AGFG2: variants seen among roughly 807,000 people sequenced by gnomAD.
AGFG2 encodes the protein ArfGAP with FG repeats 2, also known as arf-GAP domain and FG repeat-containing protein 2.
In AGFG2, 31 loss-of-function variants were observed where a neutral mutation model predicts 48.0. The ratio of observed to expected loss-of-function variants is 0.65; its 90% CI spans 0.49 to 0.87. The LOEUF (loss-of-function observed/expected upper bound fraction) is 0.87. Ranked by LOEUF, AGFG2 falls within the 40% of genes least tolerant of loss-of-function variation. The pLI, the probability that AGFG2 is intolerant of heterozygous loss-of-function variation, is 0.00. For missense variants in AGFG2, 599 were observed against 632.6 expected, an observed-to-expected ratio of 0.95 and a Z score of 0.57; for synonymous variants, 229 against 260.8, an observed-to-expected ratio of 0.88 and a Z score of 1.18.
At chr7:100,551,867 AAGAG>A (rs1215467681) in intron 3 of AGFG2, among the ~76,000 whole-genome samples, 1 of 143,988 alleles carries the variant, frequency 6.9e-6, no homozygotes, top group Non-Finnish European at 1.5e-5. Context: ...AGCCTGGGCA[AAGAG>A]AGAGAGACTG....
Position 100,562,840 on chromosome 7 carries a change from C to G in AGFG2, c.1088-23C>G, listed in dbSNP as rs757956510. On this transcript the variant is annotated intron_variant, in intron 8 of 11. Transcript: ENST00000300176. This position sits in a 1 kb window ranked among gnomAD's most constrained non-coding sequence, Gnocchi z 5.4. The stretch of plus-strand genomic sequence containing the variant: ...AAGTAACCATCTCTCTCTTTCCTGC[C>G]GCTCCCCATTCCACCTGGGCAGCCT... 6.2e-7 allele frequency: 1 copy of G among 1,612,298 alleles called. No homozygotes were observed.
At chr7:100,540,020 C>T (rs969481883) in intron 1 of AGFG2, among the ~76,000 whole-genome samples, 3 of 151,632 alleles carry the variant, frequency 2.0e-5, no homozygotes, top group African/African-American at 7.3e-5. Flanking sequence ...TGGAGATGGA[C>T]GGGCACCTTT....
At chr7:100,539,744 GA>G (rs908211955) in intron 1 of AGFG2, among the ~76,000 whole-genome samples, 177 bp downstream of exon 1, 1 of 152,044 alleles carries the variant, frequency 6.6e-6, no homozygotes, top group African/African-American at 2.4e-5. Context: ...GTGGGGAGGG[GA>G]AAGGGCAGGG....
At chr7:100,548,297 C>CA (rs1800553128) in intron 1 of AGFG2, among the ~76,000 whole-genome samples, 1 of 145,738 alleles carries the variant, frequency 6.9e-6, no homozygotes, top group Admixed American at 6.9e-5. Context: ...TTTGGAGATT[C>CA]TTTTTTTTGG....
chr7:100,555,100 G>A (rs1348624730), intron 5 of AGFG2, among the ~76,000 whole-genome samples: 1 of 152,066 alleles, frequency 6.6e-6, no homozygotes, highest in African/African-American at 2.4e-5. Context: ...GTTCCCCTGT[G>A]TGGGTCTGGC....
At chr7:100,544,741 CG>C (rs1223129584) in intron 1 of AGFG2, among the ~76,000 whole-genome samples, 1 of 8,358 alleles carries the variant, frequency 1.2e-4, no homozygotes, top group Non-Finnish European at 2.6e-4. Context: ...GGGTGGTGGG[CG>C]GGGGGGTGGG....
In AGFG2 at chr7:100,562,694, C is replaced by T; in HGVS notation, c.1087+12C>T. 1 of 1,603,460 alleles carries T rather than the reference C, an allele frequency of 6.2e-7. No homozygotes were observed. Among genetic ancestry groups the T allele is most frequent in the Non-Finnish European group, 8.5e-7 (1 of 1,177,374 alleles). On this transcript the variant is annotated intron_variant, in intron 8 of 11. Transcript: ENST00000300176. The surrounding 1 kb of genome is among the most constrained non-coding windows in gnomAD (Gnocchi z 5.4). ...GCTGGCCTTTGGAGGTGAGTCCTGC[C>T]TGTGGAGACCCAGGGGAGGGGACCT... is the stretch of plus-strand genomic sequence containing the variant.
In AGFG2 at chr7:100,563,928, C is replaced by A. The variant is rs1354881839; in HGVS notation, c.1266C>A (p.Phe422Leu). ...CCAGCTCCTTCCCAGCACCGCTGTTCCCCCCGCAGACCCCGCTTGTTCAGC... is the reference window on the plus strand; with the variant it reads ...CCAGCTCCTTCCCAGCACCGCTGTTACCCCCGCAGACCCCGCTTGTTCAGC... ...AFASSFPAPL[F>L]PPQTPLVQQQ... is the part of the protein sequence containing the mutation. The change falls in exon 10 of 12, where the codon TTC (phenylalanine) becomes TTA (leucine). Residue 422 changes from phenylalanine (F) to leucine (L), a missense_variant. Phe to Leu is a conservative substitution (Grantham distance 22). Transcript: ENST00000300176. 3.1e-6 allele frequency: 5 copies of A among 1,608,612 alleles called. No individual in the cohort carries two copies. The highest frequency in any genetic ancestry group is 4.2e-6 in the Non-Finnish European group (5 of 1,179,982).
At chr7:100,563,541 A>G (rs1800927766) in intron 9 of AGFG2, among the ~76,000 whole-genome samples, 1 of 152,218 alleles carries the variant, frequency 6.6e-6, no homozygotes, top group African/African-American at 2.4e-5. Flanking sequence ...ACTGAAGCAC[A>G]GACAGCGTTA....
rs767431926 is a variant in AGFG2, at chr7:100,550,403, G to A, written c.323G>A (p.Arg108Gln). ...FLQSRGNEVC[R>Q]KIWLGLFDAR... ...ACACCTTCATTCTTTTAGGTTTGCC[G>A]GAAGATTTGGTTGGGTCTGTTTGAT... Residue 108 changes from arginine to glutamine, a missense_variant, in exon 3 of 12, where the codon CGG becomes CAG. Transcript: ENST00000300176. 1.9e-5 allele frequency: 30 copies of A among 1,612,836 alleles called. No individual in the cohort carries two copies. Among genetic ancestry groups the A allele is most frequent in the Non-Finnish European group, 2.2e-5 (26 of 1,179,404 alleles).
At chr7:100,556,578 C>T (rs1033252295) in intron 6 of AGFG2, 64 of 1,288,996 alleles carry the variant, frequency 5.0e-5, no homozygotes, top group Non-Finnish European at 6.4e-5. Context: ...CTTCTCTTCT[C>T]CACCCTCACT....
In AGFG2 at chr7:100,562,783, C is replaced by A; in HGVS notation, c.1088-80C>A. The A allele has an allele frequency of 6.3e-7, 1 of 1,593,910 alleles. No individual in the cohort carries two copies. The highest frequency in any genetic ancestry group is 8.6e-7 in the Non-Finnish European group (1 of 1,164,456). The stretch of plus-strand genomic sequence containing the variant: ...AAGGGGAGAGATTGAGAGGAATGCT[C>A]AGGCATCACAGGATGAAGCACGTGA... On this transcript the variant is annotated intron_variant, in intron 8 of 11. Coordinates refer to ENST00000300176, the MANE Select transcript of AGFG2 (RefSeq NM_006076.5). This position sits in a 1 kb window ranked among gnomAD's most constrained non-coding sequence, Gnocchi z 5.4.
chr7:100,542,606 C>T lies in AGFG2; in HGVS notation c.221+3039C>T, dbSNP rs1194704703. Among the ~76,000 whole-genome samples the T allele has an allele frequency of 2.6e-5, 4 of 152,262 alleles. No individual in the cohort carries two copies. The East Asian group carries it at 7.7e-4, about 29-fold the overall frequency. On this transcript the variant is annotated intron_variant, in intron 1 of 11. Transcript: ENST00000300176. Reference sequence around the variant, plus strand: ...TAATCCTTGTAAAGGGGTCTTAACACAGTATTACCTGTGTCCCTTTGATAT... The same window carrying T: ...TAATCCTTGTAAAGGGGTCTTAACATAGTATTACCTGTGTCCCTTTGATAT...
chr7:100,556,140 G>A (rs1584387834), intron 6 of AGFG2: 1 of 201,760 alleles, frequency 5.0e-6, no homozygotes, highest in Non-Finnish European at 1.0e-5. Flanking sequence ...ATCCCTCTAA[G>A]ACCAAAGGCC....
rs116140898 is a variant in AGFG2, at chr7:100,557,393, A to G, written c.877+1658A>G. ...GACAAGTAAGAAATAAACTATAGGA[A>G]ACAAAATCTCCATAAATTCTAACAA... On this transcript the variant is annotated intron_variant, in intron 6 of 11. Coordinates refer to ENST00000300176, the MANE Select transcript of AGFG2 (RefSeq NM_006076.5). 1.7e-3 allele frequency among the ~76,000 whole-genome samples: 260 copies of G among 152,326 alleles called. 1 individual carries two copies. Among genetic ancestry groups the G allele is most frequent in the African/African-American group, 5.8e-3 (243 of 41,570 alleles).
chr7:100,543,384 G>T (rs2131100958), intron 1 of AGFG2, among the ~76,000 whole-genome samples: 1 of 152,254 alleles, frequency 6.6e-6, no homozygotes, highest in Non-Finnish European at 1.5e-5. Context: ...AATATTCTTT[G>T]TTAAAATGAA....
intron 1 of AGFG2, among the ~76,000 whole-genome samples, chr7:100,541,508 T>C (rs889920377): frequency 1.3e-5 from 2 of 151,642 alleles, no homozygotes; most frequent in Non-Finnish European, 2.9e-5. Flanking sequence ...GCTCGGTGGC[T>C]CAGTATGTAT....
chr7:100,554,168 G>C lies in AGFG2; in HGVS notation c.661G>C (p.Ala221Pro), dbSNP rs200779668. Residue 221 changes from alanine (A) to proline (P), a missense_variant, in exon 5 of 12, where the codon GCC becomes CCC. Coordinates refer to ENST00000300176, the MANE Select transcript of AGFG2 (RefSeq NM_006076.5). Reference sequence around the variant, plus strand: ...ACCTCCCCACTCCTCTGTCAAAAAAGCCAGTACTGACCTGCTGGCTGACAT... The same window carrying C: ...ACCTCCCCACTCCTCTGTCAAAAAACCCAGTACTGACCTGCTGGCTGACAT... ...QPPPHSSVKK[A>P]STDLLADIGG... is the part of the protein sequence containing the mutation. 5 of 1,614,030 alleles carry C rather than the reference G, an allele frequency of 3.1e-6. No homozygotes were observed. The highest frequency in any genetic ancestry group is 3.4e-6 in the Non-Finnish European group (4 of 1,179,976).
At chr7:100,564,152 C>T in intron 10 of AGFG2, 66 bp from the exon 11 acceptor site, 2 of 1,561,620 alleles carry the variant, frequency 1.3e-6, no homozygotes, top group Admixed American at 1.8e-5. Flanking sequence ...TTAGGAGGGC[C>T]CCCCTTGCTG....
Sources: gnomAD v4.1 joint callset for allele counts (sites outside exome capture counted in the v4.1 genomes callset) on GRCh38, gnomAD v4.1.1 for gene constraint, Gnocchi (gnomAD v3.1) non-coding constraint, MANE v1.5 for transcripts, NCBI Gene and HGNC (gene_info 2026-07-23, HGNC 2026-07-21) for gene names.